Variants in RTN1 observed in about 807,000 individuals in gnomAD.
The protein encoded by RTN1 is reticulon 1.
A neutral mutation model predicts 65.5 loss-of-function variants in RTN1; 25 were observed. The ratio of observed to expected loss-of-function variants is 0.38; its 90% CI spans 0.28 to 0.53. The LOEUF is 0.53. Among genes scored for constraint, RTN1 ranks in the 20% least tolerant of loss-of-function variants. The probability of loss-of-function intolerance (pLI) is 0.79; values close to 1 mark genes in which losing one functional copy is unlikely to be tolerated. For missense variants in RTN1, 983 were observed against 1,025.4 expected (o/e 0.96, Z 0.57); for synonymous variants, 471 against 447.6 (o/e 1.05, Z -0.66).
At chr14:59,666,610 T>C (rs567977408) in intron 3 of RTN1, among the ~76,000 whole-genome samples, 83 of 151,820 alleles carry the variant, frequency 5.5e-4, no homozygotes, top group African/African-American at 1.8e-3. Context: ...CTGAAAGAGA[T>C]AGAGACACAG....
intron 1 of RTN1, among the ~76,000 whole-genome samples, chr14:59,869,493 C>G (rs1344540510): frequency 1.4e-5 from 2 of 148,022 alleles, no homozygotes; most frequent in Non-Finnish European, 3.0e-5. Context: ...GCGCCAGGGG[C>G]CTGGGCTCCC....
At position 59,870,545 on chromosome 14, in the gene RTN1, TC is replaced by T. The variant is rs1407697776; in HGVS notation, c.85del (p.Glu29ArgfsTer5). On this transcript the variant is annotated frameshift_variant, in exon 1 of 9. Transcript: ENST00000267484. LOFTEE classifies it high-confidence loss of function. This position sits in a 1 kb window ranked among gnomAD's most constrained non-coding sequence, Gnocchi z 5.1. The part of the protein sequence containing the change: ...SQWLRHRGEG[E>X]NEAVTPKGAT... ...CCCTTTCGGCGTCACCGCTTCGTTC[TC>T]CCCCTCCCCCCGGTGCCTGAGCCAC... 6.9e-7 allele frequency: 1 copy of T among 1,456,580 alleles called. No homozygotes were observed. Among genetic ancestry groups the T allele is most frequent in the Non-Finnish European group, 9.0e-7 (1 of 1,109,904 alleles). The allele number at this position is 1,456,580 out of a possible 1,614,324, so 90.2% of individuals were successfully genotyped here. A position where few individuals can be genotyped will look rare whatever the true frequency, so the allele number is the denominator to read the frequency against.
At chr14:59,720,019 C>T (rs1274324308) in intron 3 of RTN1, among the ~76,000 whole-genome samples, 2 of 152,118 alleles carry the variant, frequency 1.3e-5, no homozygotes, top group Non-Finnish European at 2.9e-5. Context: ...CTGATCAATG[C>T]CCTACTGCAT....
intron 3 of RTN1, among the ~76,000 whole-genome samples, chr14:59,644,956 A>T (rs143688864): frequency 1.7e-3 from 259 of 152,310 alleles, no homozygotes; most frequent in Admixed American, 4.1e-3. Flanking sequence ...TGGAGCTCCC[A>T]GGGGGAGGAC....
chr14:59,694,882 T>A (rs776057059), intron 3 of RTN1, among the ~76,000 whole-genome samples: 1 of 152,122 alleles, frequency 6.6e-6, no homozygotes, highest in Non-Finnish European at 1.5e-5. Flanking sequence ...GAAACTCACA[T>A]ATAAACTGGG....
chr14:59,850,225 A>C lies in RTN1; in HGVS notation c.241+20165T>G, dbSNP rs145557310. On this transcript the variant is annotated intron_variant, in intron 1 of 8. Transcript: ENST00000267484. ...CTTATAATGGGGTTACATCCTCATA[A>C]ACCAGTCATAAATTAAAAATATCAT... is the stretch of plus-strand genomic sequence containing the variant. Among the ~76,000 whole-genome samples, 58 of 152,376 alleles carry C rather than the reference A, an allele frequency of 3.8e-4. 2 individuals carry two copies. In the East Asian group the frequency reaches 0.011, roughly 29 times the overall value.
At chr14:59,683,765 TTGAC>T (rs1883789921) in intron 3 of RTN1, among the ~76,000 whole-genome samples, 1 of 152,172 alleles carries the variant, frequency 6.6e-6, no homozygotes, top group Non-Finnish European at 1.5e-5. Context: ...TTTCAGGTAG[TTGAC>T]CTTATTAGTC....
At chr14:59,629,296 C>T (rs1165456493) in intron 3 of RTN1, among the ~76,000 whole-genome samples, 1 of 152,194 alleles carries the variant, frequency 6.6e-6, no homozygotes, top group Non-Finnish European at 1.5e-5. Context: ...GGTAAGCAGG[C>T]TTTTAATTCT....
At chr14:59,783,340 T>C (rs1886191151) in intron 1 of RTN1, among the ~76,000 whole-genome samples, 1 of 152,172 alleles carries the variant, frequency 6.6e-6, no homozygotes, top group Non-Finnish European at 1.5e-5. Context: ...GGTGGGGTTA[T>C]ACCTTATGAG....
chr14:59,609,163 T>C (rs113184759), intron 3 of RTN1, among the ~76,000 whole-genome samples: 9,163 of 151,944 alleles, frequency 0.06, 354 homozygotes, highest in Non-Finnish European at 0.087. Context: ...CAGGCACCTG[T>C]AATCCCAGCG....
At chr14:59,847,532 T>C (rs184639294) in intron 1 of RTN1, among the ~76,000 whole-genome samples, 385 of 152,372 alleles carry the variant, frequency 2.5e-3, no homozygotes, top group Non-Finnish European at 4.3e-3. Context: ...TGTGGGCTCA[T>C]ACAAGTTTTA....
In RTN1 at chr14:59,746,040, T is replaced by C; in HGVS notation, c.683A>G (p.Asp228Gly). ...GACTCCTTCAGGTTTAATTGAGATG[T>C]CAGTGTCTTTATTCTTAAAGTCCAA... ...KDLDFKNKDT[D>G]ISIKPEGVRE... The change falls in exon 2 of 9, where the codon GAC (aspartate) becomes GGC (glycine). Residue 228 changes from aspartate (D) to glycine (G), a missense_variant. Physicochemically the swap from Asp to Gly is moderately conservative, Grantham distance 94 (BLOSUM62 -1). Transcript: ENST00000267484. 6.2e-7 allele frequency: 1 copy of C among 1,614,202 alleles called. No individual in the cohort carries two copies. The highest frequency in any genetic ancestry group is 8.5e-7 in the Non-Finnish European group (1 of 1,180,036).
chr14:59,606,680 G>A (rs1292274067), intron 4 of RTN1, among the ~76,000 whole-genome samples: 2 of 152,216 alleles, frequency 1.3e-5, no homozygotes, highest in African/African-American at 2.4e-5. Flanking sequence ...TCTGCCACAT[G>A]TCATATATCC....
chr14:59,749,169 T>TCTA (rs1566710984), intron 1 of RTN1, among the ~76,000 whole-genome samples: 2 of 105,472 alleles, frequency 1.9e-5, no homozygotes, highest in Non-Finnish European at 3.4e-5. Context: ...TCTATCTATA[T>TCTA]ATCTATCTAT....
intron 3 of RTN1, among the ~76,000 whole-genome samples, chr14:59,695,701 C>A (rs1884049255): frequency 6.6e-6 from 1 of 152,134 alleles, no homozygotes; most frequent in African/African-American, 2.4e-5. Context: ...GGTGACAAAA[C>A]ATTACCATCT....
intron 1 of RTN1, among the ~76,000 whole-genome samples, chr14:59,769,565 A>T (rs555820898): frequency 6.2e-4 from 94 of 152,358 alleles, no homozygotes; most frequent in African/African-American, 2.0e-3. Context: ...CAGCAGAAGA[A>T]TCTGAGAAAG....
In RTN1 at chr14:59,745,853, A is replaced by C; in HGVS notation, c.870T>G (p.Pro290=). The C allele has an allele frequency of 6.2e-7, 1 of 1,614,010 alleles. No homozygotes were observed. Among genetic ancestry groups the C allele is most frequent in the Non-Finnish European group, 8.5e-7 (1 of 1,179,998 alleles). ...TCTCTTGGGTAGTGGTTTCAACAGA[A>C]GGTTCTATTTCCGTCAGTGTGATTT... The part of the protein sequence containing the change: ...PVKITLTEIE[P]SVETTTQEKT... Residue 290 remains proline, a synonymous_variant, in exon 2 of 9, where the codon CCT becomes CCG. Coordinates refer to ENST00000267484, the MANE Select transcript of RTN1 (RefSeq NM_021136.3).
chr14:59,714,830 G>A (rs772264414), intron 3 of RTN1, among the ~76,000 whole-genome samples: 10 of 152,194 alleles, frequency 6.6e-5, no homozygotes, highest in Non-Finnish European at 1.2e-4. Flanking sequence ...GGTCTGTTAG[G>A]AACTGGGCCA....
chr14:59,610,826 G>C (rs931288286), intron 3 of RTN1, among the ~76,000 whole-genome samples: 1 of 152,196 alleles, frequency 6.6e-6, no homozygotes, highest in East Asian at 1.9e-4. Context: ...CTGCTCCTAA[G>C]ATCAGTGCTT....
Sources: gnomAD v4.1 joint callset for allele counts (sites outside exome capture counted in the v4.1 genomes callset) on GRCh38, gnomAD v4.1.1 for gene constraint, Gnocchi (gnomAD v3.1) non-coding constraint, MANE v1.5 for transcripts, NCBI Gene and HGNC (gene_info 2026-07-23, HGNC 2026-07-21) for gene names.